Variants in UGT1A6 observed in about 807,000 individuals in gnomAD.
UGT1A6 encodes the protein UDP-glucuronosyltransferase 1A6.
A neutral mutation model predicts 44.4 loss-of-function variants in UGT1A6; 32 were observed. The ratio of observed to expected loss-of-function variants is 0.72; its 90% CI spans 0.54 to 0.97. UGT1A6 has a LOEUF of 0.97. Among genes scored for constraint, UGT1A6 ranks in the 50% least tolerant of loss-of-function variants. The probability of loss-of-function intolerance (pLI) is 0.00; values close to 1 mark genes in which losing one functional copy is unlikely to be tolerated. For missense variants in UGT1A6, 685 were observed against 661.9 expected (o/e 1.03, Z -0.38); for synonymous variants, 238 against 248.5 (o/e 0.96, Z 0.40).
At chr2:233,747,246 G>T in intron 1 of UGT1A6, 1 of 1,601,988 alleles carries the variant, frequency 6.2e-7, no homozygotes, top group Non-Finnish European at 8.5e-7. Flanking sequence ...CCCTGCTGTG[G>T]CTGGCCACAG....
intron 1 of UGT1A6, among the ~76,000 whole-genome samples, chr2:233,731,746 C>T (rs1439402729): frequency 6.6e-6 from 1 of 152,104 alleles, no homozygotes; most frequent in Non-Finnish European, 1.5e-5. Flanking sequence ...AATAAACATA[C>T]GTGTGCATGT....
chr2:233,765,693 A>AAAT (rs1266056248), intron 1 of UGT1A6, among the ~76,000 whole-genome samples: 1 of 147,310 alleles, frequency 6.8e-6, no homozygotes, highest in African/African-American at 2.6e-5. Context: ...AACTTCAAGT[A>AAAT]AATAATAATA....
chr2:233,719,467 A>G (rs1275256399), intron 1 of UGT1A6: 3 of 1,613,820 alleles, frequency 1.9e-6, no homozygotes, highest in South Asian at 1.1e-5. Flanking sequence ...AACATGCTCT[A>G]CCCTCTGGCC....
chr2:233,739,651 G>A (rs1230499129), intron 1 of UGT1A6, among the ~76,000 whole-genome samples: 1 of 152,174 alleles, frequency 6.6e-6, no homozygotes, highest in African/African-American at 2.4e-5. Flanking sequence ...CCCAATTTCT[G>A]TACCCCCATT....
At chr2:233,709,864 C>A (rs1389080873) in intron 1 of UGT1A6, among the ~76,000 whole-genome samples, 2 of 152,210 alleles carry the variant, frequency 1.3e-5, no homozygotes, top group Non-Finnish European at 2.9e-5. Context: ...ACGGAGCACT[C>A]CATTACCCAG....
At chr2:233,760,125 C>T in intron 1 of UGT1A6, 1 of 1,316,530 alleles carries the variant, frequency 7.6e-7, no homozygotes, top group Admixed American at 2.6e-5. Context: ...TAAAGCTCCA[C>T]CTTCTTTATC....
At chr2:233,700,761 G>A (rs1358984875) in intron 1 of UGT1A6, among the ~76,000 whole-genome samples, 1 of 151,532 alleles carries the variant, frequency 6.6e-6, no homozygotes, top group East Asian at 1.9e-4. Context: ...TAGGGTACAT[G>A]TGCACAACGT....
upstream of UGT1A6, chr2:233,692,877 T>C: frequency 6.7e-7 from 1 of 1,497,084 alleles, no homozygotes; most frequent in Non-Finnish European, 8.9e-7. Context: ...AAGGGTAAAA[T>C]TCAGAGCAAG....
chr2:233,691,901 C>A (rs1410907796), upstream of UGT1A6: 2 of 153,208 alleles, frequency 1.3e-5, no homozygotes, highest in Non-Finnish European at 2.9e-5. Context: ...GACACAGCTC[C>A]TGAAACCATA....
chr2:233,744,381 A>G (rs186112546), intron 1 of UGT1A6, among the ~76,000 whole-genome samples: 6 of 151,986 alleles, frequency 3.9e-5, no homozygotes, highest in East Asian at 3.9e-4. Flanking sequence ...CAGTTCTCCA[A>G]CGTTCCAGCC....
At chr2:233,736,657 T>G (rs571352922) in intron 1 of UGT1A6, among the ~76,000 whole-genome samples, 1 of 152,376 alleles carries the variant, frequency 6.6e-6, no homozygotes, top group African/African-American at 2.4e-5. Context: ...TGTGGTTTTA[T>G]GTACCTTAGG....
chr2:233,752,600 T>C (rs1023436245), intron 1 of UGT1A6: 2 of 152,076 alleles, frequency 1.3e-5, no homozygotes, highest in African/African-American at 4.8e-5. Flanking sequence ...AGATTTTTTT[T>C]AAAAAAACAT....
intron 1 of UGT1A6, chr2:233,747,760 A>G: frequency 6.2e-7 from 1 of 1,613,440 alleles, no homozygotes; most frequent in South Asian, 1.1e-5. Context: ...TTAGACTTTA[A>G]GGGCACACAG....
intron 1 of UGT1A6, among the ~76,000 whole-genome samples, chr2:233,711,182 A>G (rs1225168983): frequency 1.3e-5 from 2 of 151,724 alleles, no homozygotes; most frequent in East Asian, 3.9e-4. Context: ...AATATGAGCT[A>G]CTCCCTCCCC....
chr2:233,743,885 G>C (rs1351631369), intron 1 of UGT1A6: 1 of 1,366,928 alleles, frequency 7.3e-7, no homozygotes, highest in Non-Finnish European at 9.8e-7. Context: ...GGCCTGCCGG[G>C]GCACGTCCAG....
At chr2:233,735,606 C>T (rs567993931) in intron 1 of UGT1A6, among the ~76,000 whole-genome samples, 14 of 152,270 alleles carry the variant, frequency 9.2e-5, no homozygotes, top group African/African-American at 2.6e-4. Context: ...TTCACAGCAT[C>T]GATAGTCTTT....
intron 1 of UGT1A6, among the ~76,000 whole-genome samples, chr2:233,753,939 G>C (rs753977947): frequency 3.0e-4 from 45 of 152,164 alleles, no homozygotes; most frequent in Non-Finnish European, 6.2e-4. Flanking sequence ...GGATTCAAAT[G>C]TATGACCTCC....
chr2:233,748,568 G>A (rs1374135931), intron 1 of UGT1A6, among the ~76,000 whole-genome samples: 1 of 151,846 alleles, frequency 6.6e-6, no homozygotes, highest in South Asian at 2.1e-4. Flanking sequence ...GGAAGTAGAA[G>A]TGTTAAAGAG....
chr2:233,749,673 G>A (rs1300627499), intron 1 of UGT1A6, among the ~76,000 whole-genome samples: 14 of 151,746 alleles, frequency 9.2e-5, no homozygotes, highest in African/African-American at 1.7e-4. Context: ...TAATCCCCAC[G>A]TGTCAAGGAC....
Sources: gnomAD v4.1 joint callset for allele counts (sites outside exome capture counted in the v4.1 genomes callset) on GRCh38, gnomAD v4.1.1 for gene constraint, MANE v1.5 for transcripts, NCBI Gene and HGNC (gene_info 2026-07-23, HGNC 2026-07-21) for gene names.